The following SDR42E1 variants were observed in gnomAD, a reference collection of about 807,000 sequenced individuals.
SDR42E1 encodes the protein short-chain dehydrogenase/reductase family 42E member 1.
A neutral mutation model predicts 2.6 loss-of-function variants in SDR42E1; 5 were observed. The observed-to-expected ratio is 1.94, with a 90% confidence interval of 1.01 to 4.08. SDR42E1 has a LOEUF of 4.08. Ranked by LOEUF, SDR42E1 falls within the 30% of genes most tolerant of loss-of-function variation. The pLI is 0.00. For synonymous variants in SDR42E1, 231 were observed against 188.3 expected, an observed-to-expected ratio of 1.23 and a Z score of -1.86; for missense variants, 596 against 478.6, an observed-to-expected ratio of 1.25 and a Z score of -2.29.
chr16:82,010,590 G>C (rs1453243847), intron 1 of SDR42E1, among the ~76,000 whole-genome samples: 2 of 152,112 alleles, frequency 1.3e-5, no homozygotes, highest in South Asian at 2.1e-4. Flanking sequence ...CCTTTGGAGA[G>C]GCTAATCAAA....
At chr16:82,001,738 T>C (rs1329239980) in intron 1 of SDR42E1, among the ~76,000 whole-genome samples, 6 of 151,612 alleles carry the variant, frequency 4.0e-5, no homozygotes, top group African/African-American at 1.5e-4. Context: ...CCGTCTCTAC[T>C]AAAAATACAA....
chr16:81,995,260 G>A lies in SDR42E1; in HGVS notation c.*3851C>T, dbSNP rs976088902. On this transcript the variant is annotated 3_prime_UTR_variant, in exon 3 of 3. Transcript: ENST00000328945. ...GTGGCTTCTGCCCAGACCTCTGAGA[G>A]CATCCCCAAGTGCACAAGTGTGAGC... 6.6e-6 allele frequency: 1 copy of A among 152,278 alleles called. No homozygotes were observed. Among genetic ancestry groups the A allele is most frequent in the East Asian group, 1.9e-4 (1 of 5,194 alleles). The allele number at this position is 152,278 out of a possible 1,614,324, so 9.4% of individuals were successfully genotyped here.
In SDR42E1 at chr16:81,996,206, G is replaced by C. The variant is rs1252764894; in HGVS notation, c.*2905C>G. Reference sequence around the variant, plus strand: ...GTGACAAAAGATTTGCACCTTTATAGAGTCTCTTGGCTAGGCATGTGGAGA... The same window carrying C: ...GTGACAAAAGATTTGCACCTTTATACAGTCTCTTGGCTAGGCATGTGGAGA... On this transcript the variant is annotated 3_prime_UTR_variant, in exon 3 of 3. Coordinates refer to ENST00000328945, the MANE Select transcript of SDR42E1 (RefSeq NM_145168.3). 1 of 152,370 alleles carries C rather than the reference G, an allele frequency of 6.6e-6. No homozygotes were observed. The highest frequency in any genetic ancestry group is 2.1e-4 in the South Asian group (1 of 4,832). 9.4% of individuals were successfully genotyped at this position (152,370 alleles called of 1,614,324 possible). A position where few individuals can be genotyped will look rare whatever the true frequency, so the allele number is the denominator to read the frequency against.
At position 82,003,582 on chromosome 16, in the gene SDR42E1, G is replaced by T. The variant is rs565579292; in HGVS notation, c.-26-2698C>A. ...ATTAGTGCCTCCTGTTCTCACTTCA[G>T]TGTGACACATCGTATACTAGGTCCT... On this transcript the variant is annotated intron_variant, in intron 1 of 2. Transcript: ENST00000328945. Among the ~76,000 whole-genome samples, 4 of 152,142 alleles carry T rather than the reference G, an allele frequency of 2.6e-5. No individual in the cohort carries two copies. In the South Asian group the frequency reaches 8.3e-4, roughly 31 times the overall value.
At position 82,000,028 on chromosome 16, in the gene SDR42E1, G is replaced by C; in HGVS notation, c.265C>G (p.Gln89Glu). 1 of 1,614,192 alleles carries C rather than the reference G, an allele frequency of 6.2e-7. No homozygotes were observed. Among genetic ancestry groups the C allele is most frequent in the Non-Finnish European group, 8.5e-7 (1 of 1,180,018 alleles). The change falls in exon 3 of 3, where the codon CAA becomes GAA. Residue 89 changes from glutamine to glutamate, a missense_variant. Transcript: ENST00000328945. ...TCTTTGATCAGGTTTCGATTGAGTTGCTCCCGCCCTGACATACCATAAGAG... is the reference window on the plus strand; with the variant it reads ...TCTTTGATCAGGTTTCGATTGAGTTCCTCCCGCCCTGACATACCATAAGAG... The part of the protein sequence containing the change: ...IASYGMSGRE[Q>E]LNRNLIKEVN...
chr16:82,002,310 G>A (rs1268836319), intron 1 of SDR42E1, among the ~76,000 whole-genome samples: 1 of 152,146 alleles, frequency 6.6e-6, no homozygotes, highest in African/African-American at 2.4e-5. Context: ...GCCCTTAAAT[G>A]GTTATGTGAT....
At chr16:82,010,081 A>T (rs2143870419) in intron 1 of SDR42E1, among the ~76,000 whole-genome samples, 1 of 152,336 alleles carries the variant, frequency 6.6e-6, no homozygotes, top group Admixed American at 6.5e-5. Flanking sequence ...CATGATTATG[A>T]GGCTTCCCCA....
rs1912496744 is a variant in SDR42E1, at chr16:81,994,456, G to A, written c.*4655C>T. On this transcript the variant is annotated 3_prime_UTR_variant, in exon 3 of 3. Coordinates refer to ENST00000328945, the MANE Select transcript of SDR42E1 (RefSeq NM_145168.3). ...CCATCGTGGCCCAATGACTGCGGCC[G>A]AAGGATGGAAGTCCTGTGAGCGGTC... 6.6e-6 allele frequency: 1 copy of A among 152,258 alleles called. No homozygotes were observed. The highest frequency in any genetic ancestry group is 6.5e-5 in the Admixed American group (1 of 15,290). The allele number at this position is 152,258 out of a possible 1,614,324, so 9.4% of individuals were successfully genotyped here. A position where few individuals can be genotyped will look rare whatever the true frequency, so the allele number is the denominator to read the frequency against.
intron 1 of SDR42E1, among the ~76,000 whole-genome samples, chr16:82,009,880 C>T (rs140889642): frequency 2.3e-4 from 35 of 152,358 alleles, no homozygotes; most frequent in Middle Eastern, 3.4e-3. Flanking sequence ...ATAATTACCA[C>T]GTGTCCTGGG....
chr16:82,002,799 C>G (rs1912812202), intron 1 of SDR42E1, among the ~76,000 whole-genome samples: 1 of 152,186 alleles, frequency 6.6e-6, no homozygotes, highest in Non-Finnish European at 1.5e-5. Flanking sequence ...TGATAATAAG[C>G]CTGCCTGAAG....
intron 1 of SDR42E1, among the ~76,000 whole-genome samples, chr16:82,005,739 T>A (rs144364574): frequency 6.6e-6 from 1 of 152,182 alleles, no homozygotes; most frequent in African/African-American, 2.4e-5. Flanking sequence ...CTTTGTTCAG[T>A]AATTGCTCTC....
intron 1 of SDR42E1, among the ~76,000 whole-genome samples, chr16:82,009,063 C>T (rs1056970523): frequency 6.6e-6 from 1 of 152,030 alleles, no homozygotes; most frequent in Non-Finnish European, 1.5e-5. Flanking sequence ...CGGTGTTAAG[C>T]CTGTGGGTAC....
At chr16:82,007,313 T>C (rs1033093230) in intron 1 of SDR42E1, among the ~76,000 whole-genome samples, 1 of 152,246 alleles carries the variant, frequency 6.6e-6, no homozygotes, top group Non-Finnish European at 1.5e-5. Flanking sequence ...ATTGAAGTAA[T>C]ACCAAGTAAT....
chr16:82,003,397 T>C (rs1401215738), intron 1 of SDR42E1, among the ~76,000 whole-genome samples: 2 of 152,206 alleles, frequency 1.3e-5, no homozygotes, highest in South Asian at 2.1e-4. Flanking sequence ...CCCTTCATGA[T>C]GAATGCTATT....
intron 2 of SDR42E1, 99 bp downstream of exon 2, chr16:82,000,692 T>C: frequency 1.1e-6 from 1 of 879,792 alleles, no homozygotes; most frequent in Non-Finnish European, 1.8e-6. Context: ...GGTTTGACAT[T>C]ACACAAACAA....
At chr16:82,003,618 C>G (rs1376761970) in intron 1 of SDR42E1, among the ~76,000 whole-genome samples, 1 of 152,234 alleles carries the variant, frequency 6.6e-6, no homozygotes, top group African/African-American at 2.4e-5. Flanking sequence ...TTTCTGGAAG[C>G]TTCTTTCTCA....
chr16:82,004,509 T>G (rs1912871659), intron 1 of SDR42E1, among the ~76,000 whole-genome samples: 1 of 152,200 alleles, frequency 6.6e-6, no homozygotes, highest in Non-Finnish European at 1.5e-5. Context: ...CCCATTCTTT[T>G]TTTCTCTTTG....
rs975725061 is a variant in SDR42E1, at chr16:81,993,125, G to T, written c.*5986C>A. On this transcript the variant is annotated 3_prime_UTR_variant, in exon 3 of 3. Transcript: ENST00000328945. ...CTGGGCCCTGCATAAAGGAGCAGGT[G>T]GGGGGTCACTCGAATCCAAGGCCCT... 6.6e-6 allele frequency: 1 copy of T among 152,242 alleles called. No homozygotes were observed. Among genetic ancestry groups the T allele is most frequent in the Non-Finnish European group, 1.5e-5 (1 of 68,098 alleles). 9.4% of individuals were successfully genotyped at this position (152,242 alleles called of 1,614,324 possible).
chr16:82,000,962 A>G, intron 1 of SDR42E1, 78 bp from the exon 2 acceptor site: 1 of 957,662 alleles, frequency 1.0e-6, no homozygotes, highest in Non-Finnish European at 1.6e-6. Flanking sequence ...TAACAAAAAC[A>G]AAAAGTCAAT....
Sources: gnomAD v4.1 joint callset for allele counts (sites outside exome capture counted in the v4.1 genomes callset) on GRCh38, gnomAD v4.1.1 for gene constraint, MANE v1.5 for transcripts, NCBI Gene and HGNC (gene_info 2026-07-23, HGNC 2026-07-21) for gene names.